The following MAP4K3 variants were observed in gnomAD, a reference collection of about 807,000 sequenced individuals.
MAP4K3 encodes the protein mitogen-activated protein kinase kinase kinase kinase 3.
Under a neutral mutation model 143.5 loss-of-function variants are expected in MAP4K3, and 94 were observed. The ratio of observed to expected loss-of-function variants is 0.65; its 90% CI spans 0.55 to 0.78. MAP4K3 has a LOEUF of 0.78. Ranked by LOEUF, MAP4K3 falls within the 30% of genes least tolerant of loss-of-function variation. MAP4K3 has a pLI of 0.00. For synonymous variants in MAP4K3, 416 were observed against 347.2 expected (o/e 1.20, Z -2.20); for missense variants, 1,077 against 1,068.1 (o/e 1.01, Z -0.12).
rs147970253 is a variant in MAP4K3 at position 39,429,206 on chromosome 2, A to G, written c.96+7686T>C. Among the ~76,000 whole-genome samples the G allele has an allele frequency of 2.5e-4, 38 of 152,240 alleles. No homozygotes were observed. The East Asian group carries it at 6.4e-3, about 25-fold the overall frequency. The stretch of plus-strand genomic sequence containing the variant: ...AAATATGGCTCACATTATAATTACT[A>G]CGCAATCCTGGAGAAGTTTTCCACA... On this transcript the variant is annotated intron_variant, in intron 1 of 33. Coordinates refer to ENST00000263881, the MANE Select transcript of MAP4K3 (RefSeq NM_003618.4).
At chr2:39,298,015 A>G (rs1451600954) in intron 16 of MAP4K3, among the ~76,000 whole-genome samples, 1 of 151,986 alleles carries the variant, frequency 6.6e-6, no homozygotes, top group African/African-American at 2.4e-5. Flanking sequence ...TTTTTTTTGT[A>G]CTTTGCATGT....
chr2:39,357,301 T>C (rs1665639827), intron 2 of MAP4K3, among the ~76,000 whole-genome samples: 1 of 152,254 alleles, frequency 6.6e-6, no homozygotes, highest in Admixed American at 6.5e-5. Flanking sequence ...AGTAGCTTTG[T>C]ATTACTAATT....
At chr2:39,256,450 T>TA (rs897682748) in intron 31 of MAP4K3, among the ~76,000 whole-genome samples, 12 of 152,004 alleles carry the variant, frequency 7.9e-5, no homozygotes, top group African/African-American at 2.2e-4. Flanking sequence ...AAGTATTATT[T>TA]AAAAAAAATC....
intron 1 of MAP4K3, among the ~76,000 whole-genome samples, chr2:39,424,832 A>AAAC (rs1038251072): frequency 3.7e-5 from 2 of 54,606 alleles, no homozygotes; most frequent in Non-Finnish European, 1.0e-4. Flanking sequence ...ACCTGACTCA[A>AAAC]AAAAAAAAAA....
chr2:39,418,875 G>T (rs962954410), intron 1 of MAP4K3, among the ~76,000 whole-genome samples: 2 of 152,158 alleles, frequency 1.3e-5, no homozygotes, highest in Non-Finnish European at 2.9e-5. Context: ...ACTAGAATAT[G>T]GTATCCTGGA....
intron 23 of MAP4K3, among the ~76,000 whole-genome samples, chr2:39,278,797 TA>T (rs1002738026): frequency 3.9e-5 from 6 of 152,122 alleles, no homozygotes; most frequent in African/African-American, 1.4e-4. Context: ...TAAAACCCCC[TA>T]AAGACAGGAT....
chr2:39,353,920 G>C (rs1665532084), intron 3 of MAP4K3, among the ~76,000 whole-genome samples: 1 of 152,140 alleles, frequency 6.6e-6, no homozygotes, highest in African/African-American at 2.4e-5. Context: ...AGGAAACAGA[G>C]GCACAAACTG....
At chr2:39,254,161 T>A (rs527749687) in intron 32 of MAP4K3, among the ~76,000 whole-genome samples, 1 of 152,120 alleles carries the variant, frequency 6.6e-6, no homozygotes, top group African/African-American at 2.4e-5. Flanking sequence ...TCTGGGAAAG[T>A]TGAAAGAAAA....
chr2:39,296,817 A>C (rs1052615416), intron 16 of MAP4K3, among the ~76,000 whole-genome samples: 1 of 152,238 alleles, frequency 6.6e-6, no homozygotes, highest in East Asian at 1.9e-4. Flanking sequence ...AAGGCAACTA[A>C]TAAGTATTTA....
At chr2:39,340,416 A>G (rs569378589) in intron 4 of MAP4K3, among the ~76,000 whole-genome samples, 2 of 152,350 alleles carry the variant, frequency 1.3e-5, no homozygotes, top group Admixed American at 1.3e-4. Context: ...CAATATTCAT[A>G]TATGAGAACA....
chr2:39,333,283 TG>T (rs1251034864), intron 7 of MAP4K3, among the ~76,000 whole-genome samples: 1 of 151,782 alleles, frequency 6.6e-6, no homozygotes, highest in East Asian at 1.9e-4. Flanking sequence ...GGTTTAGAGG[TG>T]AAAGAATTCA....
intron 32 of MAP4K3, among the ~76,000 whole-genome samples, chr2:39,254,157 A>C (rs1364564873): frequency 6.6e-6 from 1 of 152,168 alleles, no homozygotes; most frequent in Non-Finnish European, 1.5e-5. Flanking sequence ...TTCCTCTGGG[A>C]AAGTTGAAAG....
At chr2:39,341,337 G>A (rs1665133222) in intron 4 of MAP4K3, among the ~76,000 whole-genome samples, 1 of 151,980 alleles carries the variant, frequency 6.6e-6, no homozygotes, top group South Asian at 2.1e-4. Context: ...CAAACACTGA[G>A]GAAGTTTACC....
intron 1 of MAP4K3, among the ~76,000 whole-genome samples, chr2:39,399,174 G>T (rs536947095): frequency 4.7e-4 from 71 of 151,922 alleles, no homozygotes; most frequent in African/African-American, 1.7e-3. Flanking sequence ...CTTTGAAAAC[G>T]TATGTTGTAC....
intron 21 of MAP4K3, among the ~76,000 whole-genome samples, chr2:39,282,782 GA>G (rs1226114881): frequency 1.3e-5 from 2 of 152,138 alleles, no homozygotes; most frequent in African/African-American, 2.4e-5. Flanking sequence ...TTTCTCTAGT[GA>G]ATTAGATATA....
chr2:39,401,490 T>C (rs965868247), intron 1 of MAP4K3, among the ~76,000 whole-genome samples: 1 of 152,174 alleles, frequency 6.6e-6, no homozygotes, highest in Non-Finnish European at 1.5e-5. Context: ...TGTTCCCACC[T>C]AACTGAGCTT....
rs775220815 is a variant in MAP4K3 at position 39,267,257 on chromosome 2, A to G, written c.1974-10T>C. The G allele has an allele frequency of 1.1e-5, 17 of 1,608,646 alleles. No homozygotes were observed. The highest frequency in any genetic ancestry group is 1.4e-5 in the Non-Finnish European group (17 of 1,175,276). On this transcript the variant is annotated splice_polypyrimidine_tract_variant and intron_variant, in intron 26 of 33. Transcript: ENST00000263881. ...TGATACAGAAAATTTCCTAAATGTA[A>G]ATAAAAGTGAGTACGTAATATATGT...
At chr2:39,309,575 T>TTTTTGCA in intron 13 of MAP4K3, 56 bp from the exon 14 acceptor site, 1 of 1,009,298 alleles carries the variant, frequency 9.9e-7, no homozygotes, top group Non-Finnish European at 1.4e-6. Context: ...TTTTTTTTTT[T>TTTTTGCA]GAGGCAGAGT....
At chr2:39,312,885 C>T (rs1388294002) in intron 13 of MAP4K3, among the ~76,000 whole-genome samples, 2 of 152,208 alleles carry the variant, frequency 1.3e-5, no homozygotes, top group African/African-American at 4.8e-5. Context: ...CATCTATCTG[C>T]CTTGTGTTAT....
Sources: gnomAD v4.1 joint callset for allele counts (sites outside exome capture counted in the v4.1 genomes callset) on GRCh38, gnomAD v4.1.1 for gene constraint, MANE v1.5 for transcripts, NCBI Gene and HGNC (gene_info 2026-07-23, HGNC 2026-07-21) for gene names.